The following ZFPM1 variants were observed in gnomAD, a reference collection of about 807,000 sequenced individuals.
The protein encoded by ZFPM1 is zinc finger protein ZFPM1.
ZFPM1 carries 28 observed loss-of-function variants against 46.3 expected under a neutral mutation model. The observed-to-expected ratio is 0.60, with a 90% CI of 0.45 to 0.83. The LOEUF is 0.83. Among genes scored for constraint, ZFPM1 ranks in the 40% least tolerant of loss-of-function variants. The pLI is 0.00. For synonymous variants in ZFPM1, 957 were observed against 675.9 expected, an observed-to-expected ratio of 1.42 and a Z score of -6.45; for missense variants, 1,878 against 1,432.4, an observed-to-expected ratio of 1.31 and a Z score of -5.02.
chr16:88,529,279 C>A (rs917463345), intron 6 of ZFPM1, among the ~76,000 whole-genome samples: 10 of 152,176 alleles, frequency 6.6e-5, no homozygotes, highest in African/African-American at 2.4e-4. Context: ...GGGACGGCAC[C>A]GGATGGCGTT....
At chr16:88,468,583 C>G (rs948125800) in intron 1 of ZFPM1, among the ~76,000 whole-genome samples, 1 of 151,938 alleles carries the variant, frequency 6.6e-6, no homozygotes. Flanking sequence ...AAGGGGAGAG[C>G]CTGCACTGTA....
At chr16:88,487,237 C>T (rs371228227) in intron 2 of ZFPM1, among the ~76,000 whole-genome samples, 19 of 152,254 alleles carry the variant, frequency 1.2e-4, no homozygotes, top group Middle Eastern at 3.4e-3. Context: ...TTCCAAGGTC[C>T]GAGAGAGACA....
intron 3 of ZFPM1, among the ~76,000 whole-genome samples, chr16:88,492,675 G>C (rs1266602874): frequency 1.3e-5 from 2 of 152,234 alleles, no homozygotes; most frequent in Admixed American, 1.3e-4. Context: ...TGGACATCCA[G>C]AAGGTGGACG....
At chr16:88,453,091 G>C (rs1025289886), upstream of ZFPM1, among the ~76,000 whole-genome samples, 1 of 150,574 alleles carries the variant, frequency 6.6e-6, no homozygotes, top group Non-Finnish European at 1.5e-5. Flanking sequence ...CGGGGGCGCG[G>C]TCGCGGCTCT....
At chr16:88,489,999 G>A (rs987155907) in intron 3 of ZFPM1, among the ~76,000 whole-genome samples, 8 of 152,082 alleles carry the variant, frequency 5.3e-5, no homozygotes, top group Middle Eastern at 3.4e-3. Flanking sequence ...GAGGGACAGC[G>A]TGGGGAGGGG....
intron 1 of ZFPM1, among the ~76,000 whole-genome samples, chr16:88,462,841 A>G (rs758833341): frequency 6.6e-6 from 1 of 152,130 alleles, no homozygotes; most frequent in Non-Finnish European, 1.5e-5. Context: ...TTTCCCCACT[A>G]TAAAATGGAG....
At chr16:88,500,286 A>G (rs1488747249) in intron 3 of ZFPM1, among the ~76,000 whole-genome samples, 5 of 152,150 alleles carry the variant, frequency 3.3e-5, no homozygotes, top group African/African-American at 1.2e-4. Flanking sequence ...GGCCTGCCGC[A>G]TGGCCGGGGA....
Position 88,533,256 on chromosome 16 carries a change from T to C in ZFPM1, c.1298T>C (p.Leu433Pro). ...TPSPGLDRKA[L>P]AEATNGEARA... ...TCGCCAGGACTGGACAGAAAGGCCCTGGCCGAGGCCACCAACGGAGAGGCC... is the reference window on the plus strand; with the variant it reads ...TCGCCAGGACTGGACAGAAAGGCCCCGGCCGAGGCCACCAACGGAGAGGCC... The change falls in exon 10 of 10, where the codon CTG becomes CCG. Residue 433 changes from leucine (L) to proline (P), a missense_variant. Leu to Pro is a moderately conservative substitution (Grantham distance 98, BLOSUM62 -3). Coordinates refer to ENST00000319555, the MANE Select transcript of ZFPM1 (RefSeq NM_153813.3). 6.4e-7 allele frequency: 1 copy of C among 1,551,916 alleles called. No homozygotes were observed. The highest frequency in any genetic ancestry group is 8.6e-7 in the Non-Finnish European group (1 of 1,156,314).
At chr16:88,510,094 G>A (rs1226500730) in intron 3 of ZFPM1, among the ~76,000 whole-genome samples, 1 of 152,104 alleles carries the variant, frequency 6.6e-6, no homozygotes, top group African/African-American at 2.4e-5. Flanking sequence ...AATAGTGCTG[G>A]CTGCACCGGC....
At chr16:88,520,476 G>C (rs1209353931) in intron 4 of ZFPM1, among the ~76,000 whole-genome samples, 2 of 149,480 alleles carry the variant, frequency 1.3e-5, no homozygotes, top group African/African-American at 4.9e-5. Context: ...ATGGACAGAT[G>C]TATGGGTGGA....
rs200645835 is a variant in ZFPM1, at chr16:88,489,118, C to T, written c.233C>T (p.Thr78Met). The stretch of plus-strand genomic sequence containing the variant: ...GGACAGGAACCAGAACCCAGGCCCA[C>T]GGAGGAAGAGCCGGGCAGTCCCTGG... Reference protein sequence around the residue: ...LEGQEPEPRPTEEEPGSPWSG... With the variant: ...LEGQEPEPRPMEEEPGSPWSG... The change falls in exon 3 of 10, where the codon ACG (threonine) becomes ATG (methionine). Residue 78 changes from threonine (T) to methionine (M), a missense_variant. Physicochemically the swap from Thr to Met is moderately conservative, Grantham distance 81. Transcript: ENST00000319555. 5.0e-5 allele frequency: 80 copies of T among 1,611,284 alleles called. No individual in the cohort carries two copies. The East Asian group carries it at 1.4e-3, about 27-fold the overall frequency.
intron 1 of ZFPM1, among the ~76,000 whole-genome samples, chr16:88,478,236 AGC>A (rs1194023116): frequency 6.6e-6 from 1 of 152,238 alleles, no homozygotes; most frequent in African/African-American, 2.4e-5. Context: ...CTGGAGGTTC[AGC>A]CACGTGCTCC....
At chr16:88,509,859 G>A (rs963920877) in intron 3 of ZFPM1, among the ~76,000 whole-genome samples, 1 of 152,146 alleles carries the variant, frequency 6.6e-6, no homozygotes, top group African/African-American at 2.4e-5. Context: ...CTCCTCTACC[G>A]GCTTGCTGCC....
At position 88,535,985 on chromosome 16, in the gene ZFPM1, C is replaced by G. The variant is rs1018948746; in HGVS notation, c.*1006C>G. ...TCACTTTATTTTTTTATTTTTGGGT[C>G]TCACTCTCTTGCCCAGGCTGGAGTC... On this transcript the variant is annotated 3_prime_UTR_variant, in exon 10 of 10. Coordinates refer to ENST00000319555, the MANE Select transcript of ZFPM1 (RefSeq NM_153813.3). The G allele has an allele frequency of 1.3e-5, 2 of 152,184 alleles. No homozygotes were observed. The highest frequency in any genetic ancestry group is 2.4e-5 in the African/African-American group (1 of 41,446). 9.4% of individuals were successfully genotyped at this position (152,184 alleles called of 1,614,324 possible). A position where few individuals can be genotyped will look rare whatever the true frequency, so the allele number is the denominator to read the frequency against.
intron 1 of ZFPM1, among the ~76,000 whole-genome samples, chr16:88,474,689 C>G (rs7196553): frequency 0.39 from 58,616 of 152,104 alleles, 11,765 homozygotes; most frequent in East Asian, 0.56. Flanking sequence ...AGCCAGCCCC[C>G]ACGCCAGCCC....
intron 3 of ZFPM1, among the ~76,000 whole-genome samples, chr16:88,508,102 G>A (rs558738509): frequency 1.1e-4 from 17 of 152,278 alleles, no homozygotes; most frequent in Admixed American, 7.2e-4. Flanking sequence ...TTCAAGACAC[G>A]CCTGGCCAAC....
chr16:88,532,383 G>C, intron 7 of ZFPM1, 148 bp downstream of exon 7: 1 of 959,386 alleles, frequency 1.0e-6, no homozygotes, highest in Non-Finnish European at 1.5e-6. Flanking sequence ...CCCCCGCAGG[G>C]GCCCAGAGCA....
intron 4 of ZFPM1, among the ~76,000 whole-genome samples, chr16:88,517,476 G>GTGGATGGATGGA (rs142475772): frequency 1.0e-3 from 135 of 130,842 alleles, no homozygotes; most frequent in Middle Eastern, 5.1e-3. Context: ...GGATGGCTGG[G>GTGGATGGATGGA]TGGATGGATG....
intron 4 of ZFPM1, among the ~76,000 whole-genome samples, chr16:88,523,948 G>A (rs867089521): frequency 2.2e-4 from 33 of 152,322 alleles, no homozygotes; most frequent in Non-Finnish European, 4.4e-4. Context: ...CCCTCCACTC[G>A]GGACCGCCAC....
Sources: allele counts gnomAD v4.1 joint callset (sites outside exome capture counted in the v4.1 genomes callset), GRCh38; gene constraint gnomAD v4.1.1; transcripts MANE v1.5; gene names NCBI Gene and HGNC (gene_info 2026-07-23, HGNC 2026-07-21).